The following CNOT6L variants were observed in gnomAD, a reference collection of about 807,000 sequenced individuals.
CNOT6L encodes CCR4-NOT transcription complex subunit 6-like.
A neutral mutation model predicts 64.0 loss-of-function variants in CNOT6L; 7 were observed. The ratio of observed to expected loss-of-function variants is 0.11; its 90% CI spans 0.06 to 0.21. The LOEUF is 0.21. CNOT6L is among the 10% of genes least tolerant of loss of function. The pLI, the probability that CNOT6L is intolerant of heterozygous loss-of-function variation, is 1.00. For synonymous variants in CNOT6L, 193 were observed against 243.4 expected (o/e 0.79, Z 1.93); for missense variants, 245 against 669.0 (o/e 0.37, Z 6.99).
chr4:77,801,455 A>G (rs937234417), intron 1 of CNOT6L, among the ~76,000 whole-genome samples: 1 of 152,098 alleles, frequency 6.6e-6, no homozygotes, highest in Non-Finnish European at 1.5e-5. Flanking sequence ...GCTAACCAAT[A>G]CAGAATAATT....
chr4:77,763,944 C>T (rs1050495190), intron 4 of CNOT6L, among the ~76,000 whole-genome samples: 1 of 152,296 alleles, frequency 6.6e-6, no homozygotes, highest in Middle Eastern at 3.4e-3. Flanking sequence ...TAATGAAATA[C>T]TTCCTATCAA....
At chr4:77,760,188 C>T (rs1726038154) in intron 4 of CNOT6L, among the ~76,000 whole-genome samples, 1 of 152,010 alleles carries the variant, frequency 6.6e-6, no homozygotes, top group African/African-American at 2.4e-5. Flanking sequence ...GCCTGGGCAA[C>T]ATGGTGAGAC....
intron 4 of CNOT6L, among the ~76,000 whole-genome samples, chr4:77,765,685 C>CT (rs1726747604): frequency 6.6e-6 from 1 of 152,106 alleles, no homozygotes; most frequent in Non-Finnish European, 1.5e-5. Context: ...TACTATGGGC[C>CT]TTGTGCCTCC....
At chr4:77,748,517 A>G (rs960189517) in intron 5 of CNOT6L, 133 bp from the exon 6 acceptor site, 1 of 653,172 alleles carries the variant, frequency 1.5e-6, no homozygotes, top group African/African-American at 1.8e-5. Context: ...TAATGCTGAA[A>G]TTTAATGAAG....
intron 5 of CNOT6L, among the ~76,000 whole-genome samples, chr4:77,751,226 C>T (rs2109977431): frequency 6.6e-6 from 1 of 151,946 alleles, no homozygotes; most frequent in South Asian, 2.1e-4. Flanking sequence ...AGATATTATC[C>T]AACTGAAAAA....
chr4:77,767,980 C>CAAA (rs11455356), intron 4 of CNOT6L, among the ~76,000 whole-genome samples: 41 of 86,992 alleles, frequency 4.7e-4, no homozygotes, highest in East Asian at 1.2e-3. Context: ...ACTTTGTCCC[C>CAAA]AAAAAAAAAA....
intron 4 of CNOT6L, among the ~76,000 whole-genome samples, chr4:77,769,755 A>G (rs1282732349): frequency 1.3e-5 from 2 of 152,166 alleles, no homozygotes; most frequent in Non-Finnish European, 2.9e-5. Flanking sequence ...AAACAAATTT[A>G]CAAAGTAAAA....
Position 77,720,597 on chromosome 4 carries a change from A to C in CNOT6L, c.1502T>G (p.Leu501Arg). 6.2e-7 allele frequency: 1 copy of C among 1,613,428 alleles called. No individual in the cohort carries two copies. The highest frequency in any genetic ancestry group is 8.5e-7 in the Non-Finnish European group (1 of 1,179,432). Residue 501 changes from leucine to arginine, a missense_variant, in exon 12 of 12, where the codon CTT (leucine) becomes CGT (arginine). Transcript: ENST00000504123. ...IFYSKTHMNV[L>R]GVLGPLDPQW... ...AGGATCTAAAGGCCCCAGGACACCAAGCACGTTCATATGAGTCTTGGAATA... is the reference window on the plus strand; with the variant it reads ...AGGATCTAAAGGCCCCAGGACACCACGCACGTTCATATGAGTCTTGGAATA...
chr4:77,770,680 C>T (rs550155171), intron 4 of CNOT6L, among the ~76,000 whole-genome samples: 3 of 152,174 alleles, frequency 2.0e-5, no homozygotes, highest in Non-Finnish European at 4.4e-5. Flanking sequence ...AGTTACAGTT[C>T]GTGAAGCAGA....
At chr4:77,727,112 A>C (rs1264172676) in intron 10 of CNOT6L, among the ~76,000 whole-genome samples, 1 of 152,200 alleles carries the variant, frequency 6.6e-6, no homozygotes, top group East Asian at 1.9e-4. Context: ...GATATAATGA[A>C]TGTGTGATAA....
At chr4:77,778,033 AATTTGGGCGATGCTAAACCGTATTTTAT>A (rs1398443987) in intron 1 of CNOT6L, among the ~76,000 whole-genome samples, 3 of 152,174 alleles carry the variant, frequency 2.0e-5, no homozygotes, top group African/African-American at 7.2e-5. Context: ...AATCTTACAC[AATTTGGGCGATGCTAAACCGTATTTTAT>A]TTTCCATAAA....
At chr4:77,802,332 T>C (rs1430128471) in intron 1 of CNOT6L, among the ~76,000 whole-genome samples, 2 of 152,206 alleles carry the variant, frequency 1.3e-5, no homozygotes, top group Non-Finnish European at 2.9e-5. Flanking sequence ...TTACAAATCA[T>C]GATGGATACA....
At chr4:77,775,833 A>G (rs1728082268) in intron 2 of CNOT6L, among the ~76,000 whole-genome samples, 2 of 152,186 alleles carry the variant, frequency 1.3e-5, no homozygotes, top group African/African-American at 2.4e-5. Flanking sequence ...GTTTTTAGGA[A>G]TCACATTCTA....
At chr4:77,751,709 C>T (rs557558459) in intron 5 of CNOT6L, among the ~76,000 whole-genome samples, 46 of 152,202 alleles carry the variant, frequency 3.0e-4, no homozygotes, top group African/African-American at 3.9e-4. Flanking sequence ...TTTAAGAAAC[C>T]ATGAAAGCCT....
At chr4:77,803,430 T>C (rs1731834815) in intron 1 of CNOT6L, among the ~76,000 whole-genome samples, 1 of 152,206 alleles carries the variant, frequency 6.6e-6, no homozygotes, top group South Asian at 2.1e-4. Flanking sequence ...TGTAATTACT[T>C]TGATCCAGCA....
intron 11 of CNOT6L, among the ~76,000 whole-genome samples, chr4:77,724,637 C>T (rs1221066350): frequency 7.7e-6 from 1 of 129,830 alleles, no homozygotes; most frequent in Non-Finnish European, 1.6e-5. Context: ...GAGACCCTAT[C>T]TCAAAAAAAA....
intron 1 of CNOT6L, among the ~76,000 whole-genome samples, chr4:77,797,225 A>C (rs1194497104): frequency 6.6e-6 from 1 of 150,680 alleles, no homozygotes; most frequent in Non-Finnish European, 1.5e-5. Flanking sequence ...ACTTTACCTC[A>C]TACTATATAA....
chr4:77,792,894 C>G (rs1169372437), intron 1 of CNOT6L, among the ~76,000 whole-genome samples: 2 of 151,256 alleles, frequency 1.3e-5, no homozygotes, highest in Non-Finnish European at 2.9e-5. Flanking sequence ...CCTCAGGAGA[C>G]ATTTGGCAAT....
chr4:77,817,149 A>AC (rs1733670854), intron 1 of CNOT6L, among the ~76,000 whole-genome samples: 1 of 151,960 alleles, frequency 6.6e-6, no homozygotes, highest in Non-Finnish European at 1.5e-5. Context: ...GAGGTTGAAA[A>AC]TTTTTTTCCA....
Sources: gnomAD v4.1 joint callset for allele counts (sites outside exome capture counted in the v4.1 genomes callset) on GRCh38, gnomAD v4.1.1 for gene constraint, MANE v1.5 for transcripts, NCBI Gene and HGNC (gene_info 2026-07-23, HGNC 2026-07-21) for gene names.